Variants in HYDIN observed in about 807,000 individuals in gnomAD.
HYDIN encodes the protein HYDIN axonemal central pair apparatus protein.
A neutral mutation model predicts 403.9 loss-of-function variants in HYDIN; 132 were observed. The ratio of observed to expected loss-of-function variants is 0.33; its 90% CI spans 0.28 to 0.38. The LOEUF (loss-of-function observed/expected upper bound fraction) is 0.38. HYDIN is among the 10% of genes least tolerant of loss of function. The pLI is 1.00. For synonymous variants in HYDIN, 1,202 were observed against 1,891.7 expected (o/e 0.64, Z 9.46); for missense variants, 2,827 against 5,009.5 (o/e 0.56, Z 13.15).
At position 70,883,991 on chromosome 16, in the gene HYDIN, A is replaced by G; in HGVS notation, c.9908T>C (p.Ile3303Thr). Residue 3303 changes from isoleucine (I) to threonine (T), a missense_variant, in exon 59 of 86, where the codon ATC becomes ACC. Physicochemically the swap from Ile to Thr is moderately conservative, Grantham distance 89 (BLOSUM62 -1). Transcript: ENST00000393567. ...GTGGACTGCAGGGTCTCGGCCGGAG[A>G]TATCGATGGCTATAAACTCCTCACA... Reference protein sequence around the residue: ...GKCEEFIAIDISGRDPAVHPA... With the variant: ...GKCEEFIAIDTSGRDPAVHPA... The G allele has an allele frequency of 3.1e-6, 5 of 1,614,148 alleles. No homozygotes were observed. Among genetic ancestry groups the G allele is most frequent in the Non-Finnish European group, 4.2e-6 (5 of 1,180,034 alleles).
At position 71,079,832 on chromosome 16, in the gene HYDIN, G is replaced by A. The variant is rs1003010915; in HGVS notation, c.1738+53C>T. 2.1e-4 allele frequency: 171 copies of A among 802,762 alleles called. 2 individuals are homozygous for A. The East Asian group carries it at 3.7e-3, about 17-fold the overall frequency. The allele number at this position is 802,762 out of a possible 1,614,324, so 49.7% of individuals were successfully genotyped here. On this transcript the variant is annotated intron_variant, in intron 13 of 85. Coordinates refer to ENST00000393567, the MANE Select transcript of HYDIN (RefSeq NM_001270974.2). Reference sequence around the variant, plus strand: ...TCTTTGTAAACCTTCCTCCTTCCACGTAGAGAAAAGGAATCCTATTCAATT... The same window carrying A: ...TCTTTGTAAACCTTCCTCCTTCCACATAGAGAAAAGGAATCCTATTCAATT...
chr16:71,189,161 C>T (rs1366137128), intron 1 of HYDIN, among the ~76,000 whole-genome samples: 2 of 152,142 alleles, frequency 1.3e-5, no homozygotes, highest in Non-Finnish European at 2.9e-5. Context: ...AATCCCTATT[C>T]TAGGAATCTA....
intron 5 of HYDIN, among the ~76,000 whole-genome samples, chr16:71,175,207 A>T (rs1246752324): frequency 6.6e-6 from 1 of 151,418 alleles, no homozygotes; most frequent in Non-Finnish European, 1.5e-5. Flanking sequence ...CAATGACAAC[A>T]ATATTACCAC....
In HYDIN at chr16:71,230,590, T is replaced by G. The variant is rs1370661714; in HGVS notation, c.-52A>C. The G allele has an allele frequency of 6.5e-7, 1 of 1,535,738 alleles. No individual in the cohort carries two copies. Among genetic ancestry groups the G allele is most frequent in the African/African-American group, 1.4e-5 (1 of 73,000 alleles). ...GGTGCACTCCGGGTCCCACGTTTAT[T>G]CTACCTCCATTCCCCGCCAAGACCC... On this transcript the variant is annotated 5_prime_UTR_variant, in exon 1 of 86. Coordinates refer to ENST00000393567, the MANE Select transcript of HYDIN (RefSeq NM_001270974.2).
chr16:71,148,600 A>G (rs1597884422), intron 7 of HYDIN, among the ~76,000 whole-genome samples: 1 of 152,110 alleles, frequency 6.6e-6, no homozygotes, highest in Non-Finnish European at 1.5e-5. Context: ...TTGGGAAAAA[A>G]TACCACACTA....
At chr16:71,061,194 T>C (rs1346466142) in intron 17 of HYDIN, among the ~76,000 whole-genome samples, 1 of 148,452 alleles carries the variant, frequency 6.7e-6, no homozygotes, top group Non-Finnish European at 1.5e-5. Flanking sequence ...CTCAGCAAGC[T>C]ACCCTCTCAT....
chr16:70,875,357 T>TA (rs2040383768), intron 62 of HYDIN, among the ~76,000 whole-genome samples: 1 of 152,126 alleles, frequency 6.6e-6, no homozygotes, highest in Non-Finnish European at 1.5e-5. Flanking sequence ...AGTTGCCTGA[T>TA]AGTGTCATGT....
intron 85 of HYDIN, among the ~76,000 whole-genome samples, chr16:70,808,435 G>A (rs2035240089): frequency 6.6e-6 from 1 of 152,098 alleles, no homozygotes; most frequent in South Asian, 2.1e-4. Context: ...AACTAGCTGT[G>A]AGCAGAAGTG....
At chr16:71,026,561 T>A (rs1290373578) in intron 20 of HYDIN, among the ~76,000 whole-genome samples, 1 of 152,080 alleles carries the variant, frequency 6.6e-6, no homozygotes, top group Admixed American at 6.5e-5. Flanking sequence ...TGTGTTCTAT[T>A]CATCTTTACA....
intron 4 of HYDIN, among the ~76,000 whole-genome samples, chr16:71,177,371 C>T (rs2086710930): frequency 6.6e-6 from 1 of 152,138 alleles, no homozygotes; most frequent in Non-Finnish European, 1.5e-5. Context: ...AAAGATAGAG[C>T]CCTAATGTCT....
chr16:71,126,555 G>C (rs2084468385), intron 9 of HYDIN, among the ~76,000 whole-genome samples: 1 of 152,184 alleles, frequency 6.6e-6, no homozygotes, highest in Admixed American at 6.5e-5. Context: ...GGTCCACGTG[G>C]TCCAAGTCTC....
At chr16:71,078,447 A>G (rs1005374947) in intron 13 of HYDIN, among the ~76,000 whole-genome samples, 1 of 151,998 alleles carries the variant, frequency 6.6e-6, no homozygotes, top group Non-Finnish European at 1.5e-5. Context: ...TACTGCCTTA[A>G]ATATCTGCAA....
intron 23 of HYDIN, among the ~76,000 whole-genome samples, chr16:71,007,414 T>C (rs195651): frequency 2.6e-5 from 4 of 152,164 alleles, no homozygotes; most frequent in African/African-American, 4.8e-5. Context: ...AAAATAGATA[T>C]ATAGTAATAA....
rs8058528 is a variant in HYDIN, at chr16:70,981,257, T to A, written c.4510+134A>T. ...TAAACTCAGGTCACCAATTTGGCAA[T>A]TGCAGAATAACGTGGAAGAGAACCA... On this transcript the variant is annotated intron_variant, in intron 29 of 85. Coordinates refer to ENST00000393567, the MANE Select transcript of HYDIN (RefSeq NM_001270974.2). The A allele has an allele frequency of 2.3e-3, 3,183 of 1,362,030 alleles. 67 individuals carry two copies. In the African/African-American group the frequency reaches 0.042, roughly 18 times the overall value. The allele number at this position is 1,362,030 out of a possible 1,614,324, so 84.4% of individuals were successfully genotyped here.
chr16:71,089,310 G>A (rs2083034265), intron 11 of HYDIN, among the ~76,000 whole-genome samples: 2 of 152,086 alleles, frequency 1.3e-5, no homozygotes, highest in Non-Finnish European at 1.5e-5. Context: ...CAATTCTTGT[G>A]CATGAACCTT....
At chr16:71,074,430 C>T (rs1225140458) in intron 13 of HYDIN, among the ~76,000 whole-genome samples, 4 of 151,502 alleles carry the variant, frequency 2.6e-5, no homozygotes, top group African/African-American at 9.7e-5. Flanking sequence ...CACCTGTAAT[C>T]CCAGCACATG....
At chr16:70,824,070 T>A (rs978141694) in intron 83 of HYDIN, among the ~76,000 whole-genome samples, 2 of 152,028 alleles carry the variant, frequency 1.3e-5, no homozygotes, top group African/African-American at 2.4e-5. Flanking sequence ...GTTTTTTTTT[T>A]ATAGTGGGAG....
chr16:71,137,065 T>C (rs2084952504), intron 8 of HYDIN, 86 bp downstream of exon 8: 1 of 951,096 alleles, frequency 1.1e-6, no homozygotes, highest in Non-Finnish European at 1.6e-6. Context: ...AAAAATGTAG[T>C]ACAAAATTCA....
chr16:71,196,411 T>C (rs967604959), intron 1 of HYDIN, among the ~76,000 whole-genome samples: 7 of 152,162 alleles, frequency 4.6e-5, no homozygotes, highest in Non-Finnish European at 1.0e-4. Context: ...CCTGACTGCT[T>C]GAGCTGAGAT....
Sources: allele counts gnomAD v4.1 joint callset (sites outside exome capture counted in the v4.1 genomes callset), GRCh38; gene constraint gnomAD v4.1.1; transcripts MANE v1.5; gene names NCBI Gene and HGNC (gene_info 2026-07-23, HGNC 2026-07-21).